Variants in TNRC6C observed in about 807,000 individuals in gnomAD.
TNRC6C encodes trinucleotide repeat-containing gene 6C protein.
Under a neutral mutation model 153.7 loss-of-function variants are expected in TNRC6C, and 20 were observed. The ratio of observed to expected loss-of-function variants is 0.13; its 90% confidence interval spans 0.09 to 0.19. The LOEUF is 0.19. Ranked by LOEUF, TNRC6C falls within the 10% of genes least tolerant of loss-of-function variation. The probability of loss-of-function intolerance (pLI) is 1.00; values close to 1 mark genes in which losing one functional copy is unlikely to be tolerated. For synonymous variants in TNRC6C, 811 were observed against 841.4 expected, an observed-to-expected ratio of 0.96 and a Z score of 0.63; for missense variants, 1,987 against 2,172.0, an observed-to-expected ratio of 0.91 and a Z score of 1.69.
chr17:77,958,855 C>T (rs904182056), upstream of TNRC6C, among the ~76,000 whole-genome samples: 155 of 147,228 alleles, frequency 1.1e-3, 3 homozygotes, highest in East Asian at 0.026. Flanking sequence ...CCGCCGCGCT[C>T]CCGCCGCCGT....
At chr17:77,971,648 A>G (rs2070940814) in intron 1 of TNRC6C, among the ~76,000 whole-genome samples, 1 of 152,048 alleles carries the variant, frequency 6.6e-6, no homozygotes, top group African/African-American at 2.4e-5. Flanking sequence ...CTTCACAAAC[A>G]TTTCCAGAGA....
At chr17:77,958,359 A>G (rs767071048), upstream of TNRC6C, among the ~76,000 whole-genome samples, 2 of 151,690 alleles carry the variant, frequency 1.3e-5, no homozygotes, top group African/African-American at 2.4e-5. Flanking sequence ...AACCCCCCCG[A>G]GCAGTGCAAG....
rs1214207888 is a variant in TNRC6C at position 78,049,310 on chromosome 17, G to C, written c.248G>C (p.Ser83Thr). The C allele has an allele frequency of 6.2e-7, 1 of 1,614,002 alleles. No individual in the cohort carries two copies. Among genetic ancestry groups the C allele is most frequent in the East Asian group, 2.2e-5 (1 of 44,888 alleles). Residue 83 changes from serine (S) to threonine (T), a missense_variant, in exon 3 of 20, where the codon AGT becomes ACT. By Grantham distance (58) the Ser-to-Thr change is moderately conservative. Around this residue, in one of 4 missense-constraint regions of TNRC6C, gnomAD observed 1,052 missense variants for 1,017.0 expected, o/e 1.03. Transcript: ENST00000301624. The surrounding 1 kb of genome is among the most constrained non-coding windows in gnomAD (Gnocchi z 4.1). ...GACACTATGATTGGAGATGGGAGAA[G>C]TCAGAATTGCTGGGGTGCTTCCAAC...
chr17:78,042,733 G>T (rs949574941), intron 2 of TNRC6C, among the ~76,000 whole-genome samples: 4 of 151,926 alleles, frequency 2.6e-5, no homozygotes, highest in African/African-American at 9.7e-5. Flanking sequence ...TAACAATGAT[G>T]GTAGTGGTCA....
In TNRC6C at chr17:78,086,487, T is replaced by C; in HGVS notation, c.3478-16T>C. 6.2e-7 allele frequency: 1 copy of C among 1,611,560 alleles called. No individual in the cohort carries two copies. The highest frequency in any genetic ancestry group is 8.5e-7 in the Non-Finnish European group (1 of 1,177,816). ...CTTAATTATCATACTATTTTAACTC[T>C]TCGTTCTGTCAACAGGCATACCAAC... On this transcript the variant is annotated splice_polypyrimidine_tract_variant and intron_variant, in intron 11 of 19. Transcript: ENST00000301624.
chr17:78,072,726 A>C (rs1445465396), intron 6 of TNRC6C, among the ~76,000 whole-genome samples: 1 of 152,206 alleles, frequency 6.6e-6, no homozygotes, highest in East Asian at 1.9e-4. Flanking sequence ...CTACAAAAAT[A>C]ATACTAATAG....
At chr17:78,054,274 T>C (rs2072599213) in intron 3 of TNRC6C, among the ~76,000 whole-genome samples, 1 of 152,114 alleles carries the variant, frequency 6.6e-6, no homozygotes, top group Non-Finnish European at 1.5e-5. Context: ...GGTGAGTGAA[T>C]GTGAAGGCTT....
intron 1 of TNRC6C, among the ~76,000 whole-genome samples, chr17:78,014,076 A>G (rs1214912258): frequency 6.6e-6 from 1 of 152,180 alleles, no homozygotes; most frequent in Non-Finnish European, 1.5e-5. Context: ...GCACTTTTGG[A>G]GAGAAAATAC....
chr17:77,963,873 G>T lies in TNRC6C; in HGVS notation c.-38+4605G>T, dbSNP rs2070878946. 2.0e-5 allele frequency among the ~76,000 whole-genome samples: 3 copies of T among 152,160 alleles called. No individual in the cohort carries two copies. In the South Asian group the frequency reaches 6.2e-4, roughly 31 times the overall value. ...ATAGCTTCTTAAGTATATTCCTCTT[G>T]TAAGCCAGTGGATTTAAATGTTTGC... is the stretch of plus-strand genomic sequence containing the variant. On this transcript the variant is annotated intron_variant, in intron 1 of 22. Coordinates refer to the TNRC6C transcript ENST00000636222.
chr17:78,093,280 A>G (rs963086082), intron 15 of TNRC6C, 156 bp downstream of exon 17: 3 of 923,084 alleles, frequency 3.2e-6, no homozygotes, highest in Admixed American at 2.9e-5. Context: ...TCCATTTGTC[A>G]GATCAATTTT....
chr17:77,991,564 C>T (rs931384029), intron 1 of TNRC6C, among the ~76,000 whole-genome samples: 1 of 152,164 alleles, frequency 6.6e-6, no homozygotes, highest in African/African-American at 2.4e-5. Context: ...TCTTCAATTC[C>T]TCTTTTCCTT....
chr17:78,043,459 G>T (rs925611550), intron 2 of TNRC6C, among the ~76,000 whole-genome samples: 1 of 152,096 alleles, frequency 6.6e-6, no homozygotes, highest in Admixed American at 6.5e-5. Context: ...TACATAGAAG[G>T]TATATATATT....
chr17:78,076,271 C>T (rs2073083424), intron 8 of TNRC6C, among the ~76,000 whole-genome samples: 1 of 150,908 alleles, frequency 6.6e-6, no homozygotes, highest in South Asian at 2.1e-4. Flanking sequence ...CAAAGAATAT[C>T]AGAGATGGGA....
chr17:77,986,854 C>A (rs572782414), intron 1 of TNRC6C, among the ~76,000 whole-genome samples: 6 of 152,196 alleles, frequency 3.9e-5, no homozygotes, highest in Admixed American at 3.9e-4. Flanking sequence ...CTCCCAGGCA[C>A]TGTTAGTTAC....
intron 8 of TNRC6C, among the ~76,000 whole-genome samples, chr17:78,076,962 A>G (rs549651466): frequency 2.4e-4 from 36 of 152,344 alleles, no homozygotes; most frequent in African/African-American, 8.7e-4. Flanking sequence ...CAGCTAATAT[A>G]TGTGTTTGTA....
chr17:78,080,172 C>A (rs575023373), intron 10 of TNRC6C, among the ~76,000 whole-genome samples: 1 of 152,132 alleles, frequency 6.6e-6, no homozygotes, highest in Non-Finnish European at 1.5e-5. Flanking sequence ...TGTTGCCGGG[C>A]GCGGCGGCTC....
At chr17:78,023,831 C>G (rs899445187) in intron 1 of TNRC6C, among the ~76,000 whole-genome samples, 13 of 148,766 alleles carry the variant, frequency 8.7e-5, no homozygotes, top group African/African-American at 3.2e-4. Context: ...AAAGCCTGGC[C>G]GGGCACTGTG....
At chr17:78,018,101 A>ATGGTTTT (rs977454392) in intron 1 of TNRC6C, among the ~76,000 whole-genome samples, 1 of 152,082 alleles carries the variant, frequency 6.6e-6, no homozygotes, top group African/African-American at 2.4e-5. Flanking sequence ...GTGTATATAT[A>ATGGTTTT]TGGTTTTTGG....
At position 78,050,868 on chromosome 17, in the gene TNRC6C, A is replaced by G. The variant is rs1319803045; in HGVS notation, c.1806A>G (p.Ser602=). The change falls in exon 3 of 20, where the codon TCA becomes TCG. Residue 602 remains serine, a synonymous_variant. Coordinates refer to ENST00000301624, the Ensembl canonical transcript of TNRC6C. ...CAGGAGGGGGAGATTGGGCAGATTC[A>G]TCGTCTGTCCTTGGACACTTGGGGG... The G allele has an allele frequency of 5.1e-5, 83 of 1,613,866 alleles. 1 individual carries two copies. The highest frequency in any genetic ancestry group is 6.9e-5 in the Non-Finnish European group (82 of 1,179,904).
Sources: gnomAD v4.1 joint callset for allele counts (sites outside exome capture counted in the v4.1 genomes callset) on GRCh38, gnomAD v4.1.1 for gene constraint, gnomAD v4.1.1 regional missense constraint, Gnocchi (gnomAD v3.1) non-coding constraint, MANE v1.5 for transcripts, NCBI Gene and HGNC (gene_info 2026-07-23, HGNC 2026-07-21) for gene names.